The following NCAM1 variants were observed in gnomAD, a reference collection of about 807,000 sequenced individuals.
The protein encoded by NCAM1 is antigen recognized by monoclonal antibody 5.1H11.
In NCAM1, 14 loss-of-function variants were observed where a neutral mutation model predicts 109.8. That is an observed-to-expected ratio of 0.13 (90% CI 0.08 to 0.20). NCAM1 has a LOEUF of 0.20. NCAM1 is among the 10% of genes least tolerant of loss of function. The probability of loss-of-function intolerance (pLI) is 1.00; values close to 1 mark genes in which losing one functional copy is unlikely to be tolerated. For missense variants in NCAM1, 774 were observed against 1,109.9 expected (o/e 0.70, Z 4.30); for synonymous variants, 418 against 442.9 (o/e 0.94, Z 0.70).
chr11:113,272,967 A>G, intron 19 of NCAM1: 2 of 456,714 alleles, frequency 4.4e-6, no homozygotes, highest in South Asian at 3.1e-5. Context: ...TGTCGAGGAC[A>G]TGCTGCCTTC....
chr11:113,275,933 G>C lies in NCAM1; in HGVS notation c.*546G>C, dbSNP rs1221424954. ...TGTTCACTTTGTATTTGTTCAGTAT[G>C]CAAAGTGTGTCACCCTTTCTAGCTG... On this transcript the variant is annotated 3_prime_UTR_variant, in exon 20 of 20. Transcript: ENST00000316851. The C allele has an allele frequency of 6.6e-6, 1 of 152,638 alleles. No individual in the cohort carries two copies. Among genetic ancestry groups the C allele is most frequent in the African/African-American group, 2.4e-5 (1 of 41,452 alleles). 9.5% of individuals were successfully genotyped at this position (152,638 alleles called of 1,614,324 possible).
chr11:113,081,272 G>A (rs1938801526), intron 1 of NCAM1, among the ~76,000 whole-genome samples: 1 of 152,096 alleles, frequency 6.6e-6, no homozygotes, highest in East Asian at 1.9e-4. Flanking sequence ...CGGGGGTCCC[G>A]TGAGGTAAAG....
At chr11:113,020,455 G>C (rs1326531601) in intron 1 of NCAM1, among the ~76,000 whole-genome samples, 1 of 152,094 alleles carries the variant, frequency 6.6e-6, no homozygotes, top group African/African-American at 2.4e-5. Flanking sequence ...GTAGGTCTTG[G>C]ATATTCACAG....
chr11:113,154,110 C>T (rs1488981126), intron 1 of NCAM1, among the ~76,000 whole-genome samples: 1 of 152,188 alleles, frequency 6.6e-6, no homozygotes. Context: ...ATGTAGGACA[C>T]TTGCCACAAT....
chr11:113,225,646 G>T (rs150700983), intron 9 of NCAM1, among the ~76,000 whole-genome samples: 87 of 152,256 alleles, frequency 5.7e-4, no homozygotes, highest in African/African-American at 2.0e-3. Context: ...TCACCAAAGT[G>T]GAAATGAAGG....
intron 1 of NCAM1, chr11:113,133,313 C>G (rs781970574): frequency 6.6e-6 from 1 of 152,246 alleles, no homozygotes; most frequent in Non-Finnish European, 1.5e-5. Context: ...TAGGAGCACA[C>G]TCTGTCCTTT....
intron 1 of NCAM1, among the ~76,000 whole-genome samples, chr11:113,171,316 T>C (rs1555106195): frequency 6.6e-6 from 1 of 152,156 alleles, no homozygotes; most frequent in African/African-American, 2.4e-5. Context: ...TGGGGAGGCA[T>C]GTGGCTTGAA....
intron 1 of NCAM1, among the ~76,000 whole-genome samples, chr11:113,045,682 A>G (rs1404813571): frequency 3.3e-5 from 5 of 152,192 alleles, no homozygotes; most frequent in Non-Finnish European, 7.3e-5. Context: ...GAGAGAGATA[A>G]TATTTCTGCT....
rs565212701 is a variant in NCAM1, at chr11:112,971,408, G to A, written c.52+9744G>A. On this transcript the variant is annotated intron_variant, in intron 1 of 19. Transcript: ENST00000316851. ...GCAGTCTGTAGTGGAGTAAGAGTACGTCAGAAGGTATAGAATAGAAACTGA... is the reference window on the plus strand; with the variant it reads ...GCAGTCTGTAGTGGAGTAAGAGTACATCAGAAGGTATAGAATAGAAACTGA... Among the ~76,000 whole-genome samples, 26 of 152,184 alleles carry A rather than the reference G, an allele frequency of 1.7e-4. No homozygotes were observed. In the South Asian group the frequency reaches 3.3e-3, roughly 19 times the overall value.
chr11:113,163,619 C>T (rs1221813095), intron 1 of NCAM1, among the ~76,000 whole-genome samples: 3 of 152,132 alleles, frequency 2.0e-5, no homozygotes, highest in African/African-American at 7.2e-5. Flanking sequence ...TCAGAGAGGC[C>T]AGTAGGGAGT....
chr11:113,122,533 CA>C (rs1941009521), intron 1 of NCAM1, among the ~76,000 whole-genome samples: 1 of 152,142 alleles, frequency 6.6e-6, no homozygotes, highest in Non-Finnish European at 1.5e-5. Context: ...CCTGTAATCC[CA>C]GCACTTTGGG....
chr11:113,262,753 T>C, intron 17 of NCAM1: 1 of 1,402,932 alleles, frequency 7.1e-7, no homozygotes, highest in Non-Finnish European at 9.8e-7. Flanking sequence ...TCGTCACACT[T>C]GTCACCTTGG....
intron 1 of NCAM1, among the ~76,000 whole-genome samples, chr11:113,176,039 G>A (rs2136515413): frequency 6.6e-6 from 1 of 152,234 alleles, no homozygotes; most frequent in Non-Finnish European, 1.5e-5. Context: ...ATAAAATAAA[G>A]AATGTGGGTA....
intron 14 of NCAM1, among the ~76,000 whole-genome samples, chr11:113,238,600 CCTT>C (rs1945240680): frequency 1.3e-5 from 2 of 152,168 alleles, no homozygotes; most frequent in Non-Finnish European, 1.5e-5. Flanking sequence ...TTAGGAAGGA[CCTT>C]CTCTGAATTC....
At position 113,231,735 on chromosome 11, in the gene NCAM1, A is replaced by G. The variant is rs1945013454; in HGVS notation, c.1180A>G (p.Ile394Val). 2 of 1,613,730 alleles carry G rather than the reference A, an allele frequency of 1.2e-6. No individual in the cohort carries two copies. Among genetic ancestry groups the G allele is most frequent in the Middle Eastern group, 1.6e-4 (1 of 6,084 alleles). The change falls in exon 10 of 20, where the codon ATC becomes GTC. Residue 394 changes from isoleucine to valine, a missense_variant. By Grantham distance (29) the Ile-to-Val change is conservative. Coordinates refer to ENST00000316851, the MANE Select transcript of NCAM1 (RefSeq NM_181351.5). The part of the protein sequence containing the change: ...SIQYTDAGEY[I>V]CTASNTIGQD... ...CCAGTACACTGATGCCGGAGAGTAC[A>G]TCTGCACCGCCAGCAACACCATCGG...
chr11:113,062,464 A>G (rs1937713972), intron 1 of NCAM1, among the ~76,000 whole-genome samples: 1 of 152,136 alleles, frequency 6.6e-6, no homozygotes, highest in South Asian at 2.1e-4. Flanking sequence ...AACAAAACCA[A>G]CGTGTTATCT....
rs1049132647 is a variant in NCAM1, at chr11:113,263,761, G to C, written c.2131+3438G>C. On this transcript the variant is annotated intron_variant, in intron 17 of 19. Transcript: ENST00000316851. ...GCAGTGACCCACAGAATGGCTTTGA[G>C]CATCAGTCTACAGGACAGGTTGGAA... The C allele has an allele frequency of 4.3e-5, 42 of 985,404 alleles. No homozygotes were observed. In the African/African-American group the frequency reaches 7.0e-4, roughly 16 times the overall value. The allele number at this position is 985,404 out of a possible 1,614,324, so 61.0% of individuals were successfully genotyped here.
chr11:113,056,692 A>G (rs1555082644), intron 1 of NCAM1, among the ~76,000 whole-genome samples: 2 of 151,986 alleles, frequency 1.3e-5, no homozygotes, highest in Admixed American at 1.3e-4. Context: ...TTGAAAGCCA[A>G]CCCTTCCCTA....
At chr11:113,142,743 G>A (rs781799239) in intron 1 of NCAM1, among the ~76,000 whole-genome samples, 4 of 152,090 alleles carry the variant, frequency 2.6e-5, no homozygotes, top group Non-Finnish European at 4.4e-5. Context: ...GCCACCTTCC[G>A]GAAACAGTGG....
Sources: gnomAD v4.1 joint callset for allele counts (sites outside exome capture counted in the v4.1 genomes callset) on GRCh38, gnomAD v4.1.1 for gene constraint, MANE v1.5 for transcripts, NCBI Gene and HGNC (gene_info 2026-07-23, HGNC 2026-07-21) for gene names.